Variants in TSPEAR observed in about 807,000 individuals in gnomAD.
The protein encoded by TSPEAR is thrombospondin type laminin G domain and EAR repeats, also known as thrombospondin-type laminin G domain and EAR repeat-containing protein.
Under a neutral mutation model 71.6 loss-of-function variants are expected in TSPEAR, and 69 were observed. The ratio of observed to expected loss-of-function variants is 0.96; its 90% CI spans 0.79 to 1.18. TSPEAR has a LOEUF of 1.18. TSPEAR is among the 50% of genes most tolerant of loss of function. The pLI is 0.00. For missense variants in TSPEAR, 971 were observed against 894.9 expected (o/e 1.09, Z -1.09); for synonymous variants, 402 against 387.2 (o/e 1.04, Z -0.45).
chr21:44,662,788 A>G (rs1985564258), intron 1 of TSPEAR, among the ~76,000 whole-genome samples: 1 of 152,238 alleles, frequency 6.6e-6, no homozygotes. Flanking sequence ...AAGAAATTCA[A>G]TTAGACATTA....
At chr21:44,671,598 A>G (rs1257697002) in intron 1 of TSPEAR, among the ~76,000 whole-genome samples, 2 of 152,220 alleles carry the variant, frequency 1.3e-5, no homozygotes, top group African/African-American at 2.4e-5. Flanking sequence ...GATGCTGTTC[A>G]CAGCCAAAGA....
At chr21:44,574,651 G>A (rs1555923515) in intron 1 of TSPEAR, 1 of 1,602,604 alleles carries the variant, frequency 6.2e-7, no homozygotes, top group Non-Finnish European at 8.5e-7. Flanking sequence ...TCTCTGTGCT[G>A]CCAGCAGTCT....
At chr21:44,644,120 C>A (rs1291118212) in intron 1 of TSPEAR, among the ~76,000 whole-genome samples, 1 of 152,174 alleles carries the variant, frequency 6.6e-6, no homozygotes, top group Non-Finnish European at 1.5e-5. Context: ...CACTCAGATC[C>A]CCAGAGTGTC....
chr21:44,637,762 C>T (rs782326923), intron 1 of TSPEAR: 73 of 1,355,384 alleles, frequency 5.4e-5, no homozygotes, highest in South Asian at 2.0e-4. Context: ...CTGTGTGCTT[C>T]GTGCCTACCT....
chr21:44,502,103 T>C (rs764371471), intron 11 of TSPEAR, among the ~76,000 whole-genome samples: 2 of 152,240 alleles, frequency 1.3e-5, no homozygotes, highest in Non-Finnish European at 2.9e-5. Context: ...CGCGAGGAGA[T>C]GTCTCACTAT....
intron 1 of TSPEAR, chr21:44,697,262 G>A (rs1555950728): frequency 1.2e-6 from 2 of 1,613,960 alleles, no homozygotes; most frequent in Non-Finnish European, 1.7e-6. Flanking sequence ...TGGTTCCTGT[G>A]ACTCTTGCTC....
chr21:44,594,822 A>AT (rs34221889), intron 1 of TSPEAR, among the ~76,000 whole-genome samples: 77,186 of 125,272 alleles, frequency 0.62, 25,048 homozygotes, highest in Non-Finnish European at 0.69. Flanking sequence ...CGGATCTGTG[A>AT]TTTTTTTTTT....
At chr21:44,684,258 G>A (rs371380758) in intron 1 of TSPEAR, among the ~76,000 whole-genome samples, 53 of 152,292 alleles carry the variant, frequency 3.5e-4, no homozygotes, top group African/African-American at 1.3e-3. Flanking sequence ...AGGCCGGGCC[G>A]GGCACTGTGG....
chr21:44,567,321 T>C (rs587764968), intron 2 of TSPEAR, among the ~76,000 whole-genome samples: 1 of 148,584 alleles, frequency 6.7e-6, no homozygotes, highest in East Asian at 1.9e-4. Context: ...TGCACAGATA[T>C]GACGTGCACT....
rs1227731957 is a variant in TSPEAR, at chr21:44,710,919, C to T, written c.82+514G>A. On this transcript the variant is annotated intron_variant, in intron 1 of 11. Transcript: ENST00000323084. This position sits in a 1 kb window ranked among gnomAD's most constrained non-coding sequence, Gnocchi z 4.6. Reference sequence around the variant, plus strand: ...GCCCCAAAGAACCGAGCCCTTCACTCCAGAGGTGGTTGTGTTTGGGGCTGT... The same window carrying T: ...GCCCCAAAGAACCGAGCCCTTCACTTCAGAGGTGGTTGTGTTTGGGGCTGT... Among the ~76,000 whole-genome samples, 1 of 152,228 alleles carries T rather than the reference C, an allele frequency of 6.6e-6. No homozygotes were observed.
At position 44,546,012 on chromosome 21, in the gene TSPEAR, A is replaced by T. The variant is rs1478684350; in HGVS notation, c.304-12089T>A. Among the ~76,000 whole-genome samples, 1 of 152,254 alleles carries T rather than the reference A, an allele frequency of 6.6e-6. No homozygotes were observed. Among genetic ancestry groups the T allele is most frequent in the Non-Finnish European group, 1.5e-5 (1 of 68,048 alleles). On this transcript the variant is annotated intron_variant, in intron 2 of 11. Transcript: ENST00000323084. This position sits in a 1 kb window ranked among gnomAD's most constrained non-coding sequence, Gnocchi z 4.4. ...AGATTTGACAAATCTTTATCTGTCT[A>T]GATCTTTATCTAGACAAATATTTAT...
At chr21:44,561,930 A>C (rs1257752065) in intron 2 of TSPEAR, among the ~76,000 whole-genome samples, 3 of 152,348 alleles carry the variant, frequency 2.0e-5, no homozygotes, top group Middle Eastern at 3.4e-3. Flanking sequence ...CAAGACAAGG[A>C]TACCCTCTCT....
intron 1 of TSPEAR, among the ~76,000 whole-genome samples, chr21:44,709,877 G>A (rs1312025630): frequency 2.0e-5 from 3 of 152,258 alleles, no homozygotes; most frequent in African/African-American, 7.2e-5. Context: ...TCCAAATGCA[G>A]CTCAATATTA....
chr21:44,500,231 C>T (rs1371222503), intron 11 of TSPEAR, among the ~76,000 whole-genome samples: 1 of 152,220 alleles, frequency 6.6e-6, no homozygotes, highest in Admixed American at 6.5e-5. Context: ...ACGTGCAGTT[C>T]CGAGGGTCGG....
chr21:44,570,972 C>G (rs1303109952), intron 1 of TSPEAR, among the ~76,000 whole-genome samples: 1 of 152,144 alleles, frequency 6.6e-6, no homozygotes, highest in African/African-American at 2.4e-5. Flanking sequence ...GGTCCAATAT[C>G]TAATAAAGGA....
intron 1 of TSPEAR, among the ~76,000 whole-genome samples, chr21:44,705,432 G>A (rs988088702): frequency 3.9e-5 from 6 of 152,370 alleles, no homozygotes; most frequent in South Asian, 2.1e-4. Flanking sequence ...AACTCTAACC[G>A]CCGGTGAGCC....
At chr21:44,548,478 G>A (rs1251661934) in intron 2 of TSPEAR, among the ~76,000 whole-genome samples, 2 of 152,206 alleles carry the variant, frequency 1.3e-5, no homozygotes, top group Non-Finnish European at 2.9e-5. Context: ...GGATGGGAAG[G>A]TCTTGGGGAA....
chr21:44,624,873 T>C (rs1204034361), intron 1 of TSPEAR, among the ~76,000 whole-genome samples: 2 of 152,146 alleles, frequency 1.3e-5, no homozygotes, highest in Non-Finnish European at 2.9e-5. Context: ...TTCCCTCTAA[T>C]AGGGATTCAC....
chr21:44,696,817 T>TC (rs1987357626), intron 1 of TSPEAR, among the ~76,000 whole-genome samples: 1 of 152,164 alleles, frequency 6.6e-6, no homozygotes, highest in Non-Finnish European at 1.5e-5. Context: ...GGCCCCACGG[T>TC]CCCGCTCAGT....
Sources: allele counts gnomAD v4.1 joint callset (sites outside exome capture counted in the v4.1 genomes callset), GRCh38; gene constraint gnomAD v4.1.1; non-coding constraint Gnocchi (gnomAD v3.1); transcripts MANE v1.5; gene names NCBI Gene and HGNC (gene_info 2026-07-23, HGNC 2026-07-21).